DLG2: variants seen among roughly 807,000 people sequenced by gnomAD.
DLG2 encodes the protein disks large homolog 2.
In DLG2, 45 loss-of-function variants were observed where a neutral mutation model predicts 132.5. The ratio of observed to expected loss-of-function variants is 0.34; its 90% CI spans 0.27 to 0.44. The LOEUF is 0.44. Among genes scored for constraint, DLG2 ranks in the 20% least tolerant of loss-of-function variants. The pLI, the probability that DLG2 is intolerant of heterozygous loss-of-function variation, is 1.00. For missense variants in DLG2, 1,045 were observed against 1,196.9 expected (o/e 0.87, Z 1.87); for synonymous variants, 424 against 419.6 (o/e 1.01, Z -0.13).
At chr11:83,667,476 T>G (rs2075842139) in intron 18 of DLG2, among the ~76,000 whole-genome samples, 1 of 152,208 alleles carries the variant, frequency 6.6e-6, no homozygotes, top group African/African-American at 2.4e-5. Context: ...TGTTTTCTAG[T>G]CTTAAAGGAG....
chr11:83,752,803 G>A (rs776146669), intron 18 of DLG2, among the ~76,000 whole-genome samples: 6 of 152,156 alleles, frequency 3.9e-5, no homozygotes, highest in East Asian at 1.9e-4. Flanking sequence ...ATATGAGAAC[G>A]AAGAAGGCAT....
intron 3 of DLG2, among the ~76,000 whole-genome samples, chr11:85,460,414 G>A (rs1463415238): frequency 6.6e-6 from 1 of 152,180 alleles, no homozygotes; most frequent in East Asian, 1.9e-4. Context: ...GTCCATGGCA[G>A]AACTGTGGGT....
chr11:84,830,985 T>C (rs2078986014), intron 6 of DLG2, among the ~76,000 whole-genome samples: 1 of 109,364 alleles, frequency 9.1e-6, no homozygotes, highest in African/African-American at 3.5e-5. Flanking sequence ...CTCTATTTCT[T>C]TTCCCCCCAT....
chr11:83,930,429 AGAAGC>A lies in DLG2; in HGVS notation c.1390_1394del (p.Ala464SerfsTer8). On this transcript the variant is annotated frameshift_variant, in exon 15 of 28. Coordinates refer to ENST00000376104, the MANE Select transcript of DLG2 (RefSeq NM_001142699.3). LOFTEE classifies it high-confidence loss of function. Reference sequence around the variant, plus strand: ...ACTCAACAGGGGAATAGTGCCTGGGAGAAGCAGGCTTATCACATAGTTTGTTCACA... The same window carrying A: ...ACTCAACAGGGGAATAGTGCCTGGGAAGGCTTATCACATAGTTTGTTCACA... The A allele has an allele frequency of 1.9e-5, 30 of 1,614,130 alleles. No homozygotes were observed. Among genetic ancestry groups the A allele is most frequent in the Non-Finnish European group, 2.5e-5 (30 of 1,179,972 alleles).
At chr11:84,718,993 C>T (rs1016036736) in intron 6 of DLG2, among the ~76,000 whole-genome samples, 1 of 152,136 alleles carries the variant, frequency 6.6e-6, no homozygotes, top group African/African-American at 2.4e-5. Flanking sequence ...TATTATCATT[C>T]AATGACTTCA....
chr11:84,674,471 C>A (rs1484264670), intron 6 of DLG2, among the ~76,000 whole-genome samples: 1 of 152,062 alleles, frequency 6.6e-6, no homozygotes, highest in Non-Finnish European at 1.5e-5. Flanking sequence ...GATCCTCTAT[C>A]CTGCTAACTG....
intron 6 of DLG2, among the ~76,000 whole-genome samples, chr11:84,989,327 C>A (rs1244748392): frequency 6.6e-6 from 1 of 152,088 alleles, no homozygotes; most frequent in Non-Finnish European, 1.5e-5. Flanking sequence ...AGGCATCTGC[C>A]ACCACGCCCG....
chr11:84,401,991 G>C (rs1269829761), intron 7 of DLG2, among the ~76,000 whole-genome samples: 1 of 152,166 alleles, frequency 6.6e-6, no homozygotes, highest in Non-Finnish European at 1.5e-5. Context: ...CTTTTCTAAG[G>C]AGTAACCTAT....
chr11:83,838,776 T>A lies in DLG2; in HGVS notation c.1566-5006A>T, dbSNP rs544824074. Among the ~76,000 whole-genome samples, 37 of 136,990 alleles carry A rather than the reference T, an allele frequency of 2.7e-4. No homozygotes were observed. In the South Asian group the frequency reaches 8.8e-3, roughly 33 times the overall value. The allele number at this position is 136,990 out of a possible 152,430, so 89.9% of individuals were successfully genotyped here. ...CCATAGTCCTGACCTCTTTCTCCTG[T>A]TCCCAGACAAAAAAAAAAAAGCTGT... On this transcript the variant is annotated intron_variant, in intron 16 of 27. Transcript: ENST00000376104.
chr11:84,200,311 A>G (rs2096575443), intron 8 of DLG2, among the ~76,000 whole-genome samples: 1 of 152,160 alleles, frequency 6.6e-6, no homozygotes, highest in Non-Finnish European at 1.5e-5. Flanking sequence ...CAGGGGAAAG[A>G]AAAATAATAG....
At chr11:85,182,260 T>C (rs556149529) in intron 4 of DLG2, among the ~76,000 whole-genome samples, 2 of 152,020 alleles carry the variant, frequency 1.3e-5, no homozygotes, top group African/African-American at 2.4e-5. Context: ...TGCCTGAGGT[T>C]GCATAGCTAA....
At chr11:83,788,188 T>C (rs185913623) in intron 17 of DLG2, among the ~76,000 whole-genome samples, 1 of 152,324 alleles carries the variant, frequency 6.6e-6, no homozygotes, top group Admixed American at 6.5e-5. Flanking sequence ...TGACATTGGG[T>C]GGCAGATGGG....
intron 4 of DLG2, among the ~76,000 whole-genome samples, chr11:85,251,991 C>G (rs368869343): frequency 6.6e-6 from 1 of 152,004 alleles, no homozygotes; most frequent in Non-Finnish European, 1.5e-5. Flanking sequence ...TCCACCTGTG[C>G]GCTTATATAA....
chr11:85,623,550 G>A (rs565189522), intron 2 of DLG2, among the ~76,000 whole-genome samples: 11 of 152,218 alleles, frequency 7.2e-5, no homozygotes, highest in South Asian at 6.2e-4. Flanking sequence ...TGATCCGCCC[G>A]CCTCGGCCTC....
chr11:85,348,513 A>G lies in DLG2; in HGVS notation c.41-63148T>C, dbSNP rs556803541. ...GCTGGGATTACAGGCATGAGCCACC[A>G]TGCCTAACATAAGAAGCATTCTGAA... On this transcript the variant is annotated intron_variant, in intron 3 of 27. Transcript: ENST00000376104. Among the ~76,000 whole-genome samples, 75 of 152,202 alleles carry G rather than the reference A, an allele frequency of 4.9e-4. 1 individual carries two copies. Among genetic ancestry groups the G allele is most frequent in the African/African-American group, 1.8e-3 (73 of 41,484 alleles).
chr11:85,304,586 C>T (rs2079818316), intron 3 of DLG2, among the ~76,000 whole-genome samples: 1 of 152,112 alleles, frequency 6.6e-6, no homozygotes, highest in African/African-American at 2.4e-5. Flanking sequence ...AAACTAAGTA[C>T]TCATTAGAGC....
chr11:84,806,315 C>A (rs2075992170), intron 6 of DLG2, among the ~76,000 whole-genome samples: 1 of 152,028 alleles, frequency 6.6e-6, no homozygotes, highest in Non-Finnish European at 1.5e-5. Context: ...TCATAACAAA[C>A]AGATTCAAGA....
At chr11:85,546,818 C>CTTTTTTTTTTTTTT (rs34822004) in intron 3 of DLG2, among the ~76,000 whole-genome samples, 4 of 69,000 alleles carry the variant, frequency 5.8e-5, no homozygotes, top group Admixed American at 1.8e-4. Flanking sequence ...ATAACCCCTG[C>CTTTTTTTTTTTTTT]TTTTTTTTTT....
Position 84,124,377 on chromosome 11 carries a change from C to T in DLG2, c.625-25330G>A, listed in dbSNP as rs552052734. Among the ~76,000 whole-genome samples, 8 of 152,284 alleles carry T rather than the reference C, an allele frequency of 5.3e-5. No homozygotes were observed. The South Asian group carries it at 6.2e-4, about 12-fold the overall frequency. ...CCCCTTACCTCACAGGTTGTAAGAT[C>T]CAGAAATTCCACTGTGATTCTAAAG... On this transcript the variant is annotated intron_variant, in intron 9 of 27. Transcript: ENST00000376104.
Sources: allele counts gnomAD v4.1 joint callset (sites outside exome capture counted in the v4.1 genomes callset), GRCh38; gene constraint gnomAD v4.1.1; transcripts MANE v1.5; gene names NCBI Gene and HGNC (gene_info 2026-07-23, HGNC 2026-07-21).